The following RBFOX1 variants were observed in gnomAD, a reference collection of about 807,000 sequenced individuals.
RBFOX1 encodes RNA binding fox-1 homolog 1.
A neutral mutation model predicts 57.7 loss-of-function variants in RBFOX1; 8 were observed. That is an observed-to-expected ratio of 0.14 (90% CI 0.08 to 0.25). RBFOX1 has a LOEUF of 0.25. Among genes scored for constraint, RBFOX1 ranks in the 10% least tolerant of loss-of-function variants. RBFOX1 has a pLI of 1.00. For missense variants in RBFOX1, 611 were observed against 548.5 expected, an observed-to-expected ratio of 1.11 and a Z score of -1.14; for synonymous variants, 326 against 222.4, an observed-to-expected ratio of 1.47 and a Z score of -4.15.
At chr16:5,584,556 TC>T (rs1266088825) in intron 2 of RBFOX1, among the ~76,000 whole-genome samples, 3 of 152,182 alleles carry the variant, frequency 2.0e-5, no homozygotes, top group Non-Finnish European at 4.4e-5. Context: ...CTGGCTTTTT[TC>T]CCCCTTCAGC....
At chr16:5,593,450 C>G (rs554328669) in intron 2 of RBFOX1, among the ~76,000 whole-genome samples, 4 of 152,072 alleles carry the variant, frequency 2.6e-5, no homozygotes, top group Non-Finnish European at 5.9e-5. Context: ...TGTAACAAAC[C>G]TGCACTTTCT....
At chr16:7,361,275 G>T (rs960179283) in intron 4 of RBFOX1, among the ~76,000 whole-genome samples, 1 of 152,196 alleles carries the variant, frequency 6.6e-6, no homozygotes, top group African/African-American at 2.4e-5. Context: ...ATTCCGTCTC[G>T]CTGGGCCTGC....
At chr16:6,102,434 G>A (rs1365007370) in intron 1 of RBFOX1, among the ~76,000 whole-genome samples, 1 of 152,126 alleles carries the variant, frequency 6.6e-6, no homozygotes. Flanking sequence ...TTACAACGGT[G>A]TCATTTGCAA....
intron 1 of RBFOX1, among the ~76,000 whole-genome samples, chr16:6,122,126 G>C (rs765167714): frequency 1.3e-5 from 2 of 152,078 alleles, no homozygotes; most frequent in Non-Finnish European, 2.9e-5. Flanking sequence ...GGCTGGTCTC[G>C]AACTCCTGGC....
At chr16:6,416,931 C>T (rs1009748912) in intron 2 of RBFOX1, among the ~76,000 whole-genome samples, 18 of 152,192 alleles carry the variant, frequency 1.2e-4, no homozygotes, top group African/African-American at 4.3e-4. Context: ...TCATCACTAA[C>T]AGTAACTTTC....
chr16:5,306,940 G>A (rs186227913), intron 1 of RBFOX1, among the ~76,000 whole-genome samples: 14 of 152,288 alleles, frequency 9.2e-5, no homozygotes, highest in African/African-American at 3.1e-4. Flanking sequence ...GCCAGTGGGG[G>A]TGAGGCTTAT....
At chr16:6,860,578 A>G (rs1319935202) in intron 3 of RBFOX1, among the ~76,000 whole-genome samples, 1 of 152,180 alleles carries the variant, frequency 6.6e-6, no homozygotes, top group African/African-American at 2.4e-5. Flanking sequence ...CATGAAGGAG[A>G]CACATAGAAG....
At chr16:5,745,642 G>A (rs1029044576) in intron 3 of RBFOX1, among the ~76,000 whole-genome samples, 1 of 152,192 alleles carries the variant, frequency 6.6e-6, no homozygotes, top group Admixed American at 6.5e-5. Context: ...ATTGTAACTG[G>A]TGTGAGATGG....
At chr16:6,226,718 C>CAAAG in intron 1 of RBFOX1, among the ~76,000 whole-genome samples, 1 of 152,218 alleles carries the variant, frequency 6.6e-6, no homozygotes, top group East Asian at 1.9e-4. Context: ...CATTATCTTG[C>CAAAG]TGGCTGTAGG....
intron 1 of RBFOX1, among the ~76,000 whole-genome samples, chr16:6,130,028 G>C (rs905026409): frequency 6.6e-6 from 1 of 152,078 alleles, no homozygotes; most frequent in Admixed American, 6.6e-5. Context: ...AAATGCAAGG[G>C]ACATGATCAA....
chr16:6,568,524 T>C (rs1469215458), intron 2 of RBFOX1, among the ~76,000 whole-genome samples: 6 of 152,160 alleles, frequency 3.9e-5, no homozygotes, highest in African/African-American at 1.4e-4. Context: ...CCATCACTTC[T>C]GCCATGTTCC....
At chr16:7,694,928 G>C (rs1475628137) in intron 14 of RBFOX1, among the ~76,000 whole-genome samples, 1 of 152,078 alleles carries the variant, frequency 6.6e-6, no homozygotes, top group African/African-American at 2.4e-5. Flanking sequence ...AGTATGTTAG[G>C]TTATATTTGG....
chr16:6,531,252 T>A (rs1387990239), intron 2 of RBFOX1, among the ~76,000 whole-genome samples: 4 of 152,176 alleles, frequency 2.6e-5, no homozygotes, highest in Admixed American at 2.6e-4. Context: ...GTTTGCTGTG[T>A]CTGTAGACTT....
At chr16:7,655,418 C>G (rs2066062116) in intron 12 of RBFOX1, among the ~76,000 whole-genome samples, 1 of 152,096 alleles carries the variant, frequency 6.6e-6, no homozygotes, top group African/African-American at 2.4e-5. Flanking sequence ...AGTAACAAAC[C>G]AAGAATGAAC....
chr16:5,908,354 C>T (rs74515086), intron 4 of RBFOX1, among the ~76,000 whole-genome samples: 1 of 72,116 alleles, frequency 1.4e-5, no homozygotes, highest in Non-Finnish European at 3.2e-5. Context: ...GTGTGTGTGT[C>T]TGTGTGTGTT....
chr16:5,567,635 CAAAAAA>C (rs34858401), intron 2 of RBFOX1, among the ~76,000 whole-genome samples: 4 of 63,156 alleles, frequency 6.3e-5, no homozygotes, highest in Admixed American at 5.4e-4. Context: ...AGGTTATAGG[CAAAAAA>C]AAAAAAAAAA....
intron 1 of RBFOX1, among the ~76,000 whole-genome samples, chr16:6,305,507 A>G (rs2079392723): frequency 6.6e-6 from 1 of 151,858 alleles, no homozygotes; most frequent in Non-Finnish European, 1.5e-5. Flanking sequence ...TCAGTCCCAG[A>G]TAGATATTTA....
chr16:7,652,926 G>GA (rs1304097015), intron 11 of RBFOX1, among the ~76,000 whole-genome samples: 1 of 152,190 alleles, frequency 6.6e-6, no homozygotes, highest in Admixed American at 6.5e-5. Context: ...ATCTGTACAT[G>GA]AAGGAAACTG....
intron 5 of RBFOX1, among the ~76,000 whole-genome samples, chr16:7,531,049 A>G (rs1445817795): frequency 1.3e-5 from 2 of 152,178 alleles, no homozygotes; most frequent in African/African-American, 2.4e-5. Context: ...GTACCACTCA[A>G]AACAAACCAG....
Sources: gnomAD v4.1 joint callset for allele counts (sites outside exome capture counted in the v4.1 genomes callset) on GRCh38, gnomAD v4.1.1 for gene constraint, MANE v1.5 for transcripts, NCBI Gene and HGNC (gene_info 2026-07-23, HGNC 2026-07-21) for gene names.